Variants in LGR4 observed in about 807,000 individuals in gnomAD.
LGR4 encodes leucine rich repeat containing G protein-coupled receptor 4.
Under a neutral mutation model 84.8 loss-of-function variants are expected in LGR4, and 44 were observed. The observed-to-expected ratio is 0.52, with a 90% CI of 0.41 to 0.67. LGR4 has a LOEUF of 0.67. LGR4 is among the 30% of genes least tolerant of loss of function. The pLI, the probability that LGR4 is intolerant of heterozygous loss-of-function variation, is 0.00. For synonymous variants in LGR4, 429 were observed against 434.3 expected (o/e 0.99, Z 0.15); for missense variants, 1,032 against 1,131.4 (o/e 0.91, Z 1.26).
chr11:27,385,634 T>C (rs972057780), intron 4 of LGR4, 166 bp from the exon 5 acceptor site: 3 of 493,880 alleles, frequency 6.1e-6, no homozygotes, highest in African/African-American at 3.9e-5. Flanking sequence ...ATGATCTGTA[T>C]AGTGTATGAA....
intron 1 of LGR4, among the ~76,000 whole-genome samples, chr11:27,414,031 AC>A (rs1863764230): frequency 6.6e-6 from 1 of 152,222 alleles, no homozygotes; most frequent in Admixed American, 6.5e-5. Flanking sequence ...AGTAGCAGCA[AC>A]AAAAACAGCA....
chr11:27,367,889 T>C lies in LGR4; in HGVS notation c.2834A>G (p.Asn945Ser), dbSNP rs751255974. 3.8e-6 allele frequency: 6 copies of C among 1,595,128 alleles called. No homozygotes were observed. Among genetic ancestry groups the C allele is most frequent in the Non-Finnish European group, 4.3e-6 (5 of 1,174,846 alleles). The change falls in exon 18 of 18, where the codon AAT becomes AGT. Residue 945 changes from asparagine to serine, a missense_variant. Asn to Ser is a conservative substitution (Grantham distance 46). Coordinates refer to ENST00000379214, the MANE Select transcript of LGR4 (RefSeq NM_018490.5). ...AGTTCAGTCTTTAACTCTTGGTAGA[T>C]TGTAAGCATAGCGCACCAAAGGGAA... ...RGFPLVRYAY[N>S]LPRVKD
At chr11:27,422,442 T>G (rs890834046) in intron 1 of LGR4, among the ~76,000 whole-genome samples, 3 of 152,170 alleles carry the variant, frequency 2.0e-5, no homozygotes, top group Non-Finnish European at 4.4e-5. Flanking sequence ...CAATGGGTCA[T>G]AGCCAACTTT....
At chr11:27,448,883 T>A (rs1365903602) in intron 1 of LGR4, among the ~76,000 whole-genome samples, 1 of 152,188 alleles carries the variant, frequency 6.6e-6, no homozygotes, top group African/African-American at 2.4e-5. Flanking sequence ...AGATTAAGAC[T>A]ACCAACAAAT....
chr11:27,467,634 G>A (rs569228965), intron 1 of LGR4, among the ~76,000 whole-genome samples: 2 of 151,806 alleles, frequency 1.3e-5, no homozygotes, highest in East Asian at 3.9e-4. Flanking sequence ...GTTAAGAGTT[G>A]TTGACTTGTT....
intron 1 of LGR4, among the ~76,000 whole-genome samples, chr11:27,436,644 G>A (rs1178291020): frequency 6.6e-6 from 1 of 151,892 alleles, no homozygotes; most frequent in Non-Finnish European, 1.5e-5. Flanking sequence ...CAAAATCCCA[G>A]GAAAATAAAT....
chr11:27,385,605 A>G (rs1396990647), intron 4 of LGR4, 137 bp from the exon 5 acceptor site: 17 of 579,296 alleles, frequency 2.9e-5, no homozygotes. Context: ...AAGTCCTCAT[A>G]ACATCTAATA....
intron 1 of LGR4, among the ~76,000 whole-genome samples, chr11:27,430,139 T>C (rs999819552): frequency 5.9e-5 from 9 of 152,222 alleles, no homozygotes; most frequent in African/African-American, 2.2e-4. Flanking sequence ...CTATGCATTT[T>C]TTCCCTAGTG....
intron 2 of LGR4, among the ~76,000 whole-genome samples, chr11:27,399,602 C>A (rs182004655): frequency 2.4e-4 from 37 of 152,056 alleles, no homozygotes; most frequent in African/African-American, 8.9e-4. Context: ...TCACTGCAAC[C>A]TCAGCCTCCT....
At chr11:27,398,574 C>T (rs1187183186) in intron 2 of LGR4, among the ~76,000 whole-genome samples, 1 of 152,176 alleles carries the variant, frequency 6.6e-6, no homozygotes, top group African/African-American at 2.4e-5. Flanking sequence ...CAGTGGCTTT[C>T]AGCAGCTGTT....
intron 11 of LGR4, 142 bp from the exon 12 acceptor site, chr11:27,377,365 TAA>T: frequency 2.1e-6 from 1 of 466,560 alleles, no homozygotes; most frequent in Non-Finnish European, 3.9e-6. Context: ...TCTTTTTTCC[TAA>T]GACTTGTCAG....
At chr11:27,386,363 AGG>A (rs1863188218) in intron 4 of LGR4, among the ~76,000 whole-genome samples, 2 of 152,366 alleles carry the variant, frequency 1.3e-5, no homozygotes, top group African/African-American at 4.8e-5. Context: ...TAATATGATG[AGG>A]GACACTACGT....
rs1275780204 is a variant in LGR4 at position 27,367,429 on chromosome 11, TA to T, written c.*437del. 1.3e-5 allele frequency: 2 copies of T among 154,366 alleles called. No individual in the cohort carries two copies. The highest frequency in any genetic ancestry group is 2.9e-5 in the Non-Finnish European group (2 of 69,280). 9.6% of individuals were successfully genotyped at this position (154,366 alleles called of 1,614,324 possible). ...GCCCTGCAGTAAGTTGTCCTGAGATTAAGGATGAAACATTAGGTAAAATTAG... is the reference window on the plus strand; with the variant it reads ...GCCCTGCAGTAAGTTGTCCTGAGATTAGGATGAAACATTAGGTAAAATTAG... On this transcript the variant is annotated 3_prime_UTR_variant, in exon 18 of 18. Transcript: ENST00000379214.
intron 1 of LGR4, among the ~76,000 whole-genome samples, chr11:27,457,570 A>ACAAACCTCAC (rs1465978653): frequency 6.6e-6 from 1 of 152,248 alleles, no homozygotes; most frequent in African/African-American, 2.4e-5. Context: ...ATTGGTGATA[A>ACAAACCTCAC]CAAACCTCAC....
chr11:27,442,572 A>G (rs778399991), intron 1 of LGR4, among the ~76,000 whole-genome samples: 9 of 152,240 alleles, frequency 5.9e-5, no homozygotes, highest in Middle Eastern at 3.2e-3. Flanking sequence ...TATTACCACT[A>G]TGTTGTCAAC....
intron 1 of LGR4, among the ~76,000 whole-genome samples, chr11:27,437,069 T>C (rs1458777918): frequency 6.6e-6 from 1 of 152,080 alleles, no homozygotes; most frequent in Non-Finnish European, 1.5e-5. Context: ...AATATTTAGA[T>C]AGAAACATGA....
chr11:27,391,021 C>A lies in LGR4; in HGVS notation c.401+73G>T, dbSNP rs1863274525. ...AAAGGATAAATCTCCTCTTTCCTTA[C>A]AATTCTAGTTATTTACATCTTTAAC... is the stretch of plus-strand genomic sequence containing the variant. On this transcript the variant is annotated intron_variant, in intron 4 of 17. Coordinates refer to ENST00000379214, the MANE Select transcript of LGR4 (RefSeq NM_018490.5). 4.6e-6 allele frequency: 4 copies of A among 862,456 alleles called. No individual in the cohort carries two copies. In the Admixed American group the frequency reaches 9.3e-5, roughly 20 times the overall value. 53.4% of individuals were successfully genotyped at this position (862,456 alleles called of 1,614,324 possible).
At chr11:27,439,483 T>C (rs547804463) in intron 1 of LGR4, among the ~76,000 whole-genome samples, 62 of 152,334 alleles carry the variant, frequency 4.1e-4, no homozygotes, top group African/African-American at 1.4e-3. Context: ...TCAATGGACA[T>C]GTGGGGTGCT....
chr11:27,447,426 T>G (rs61887841), intron 1 of LGR4, among the ~76,000 whole-genome samples: 22,681 of 152,130 alleles, frequency 0.15, 2,130 homozygotes, highest in Non-Finnish European at 0.21. Flanking sequence ...ACCAGTGCCA[T>G]GACAGTTTAC....
Sources: allele counts gnomAD v4.1 joint callset (sites outside exome capture counted in the v4.1 genomes callset), GRCh38; gene constraint gnomAD v4.1.1; transcripts MANE v1.5; gene names NCBI Gene and HGNC (gene_info 2026-07-23, HGNC 2026-07-21).